The following PALM2AKAP2 variants were observed in gnomAD, a reference collection of about 807,000 sequenced individuals.
PALM2AKAP2 encodes PALM2 and AKAP2 fusion.
In PALM2AKAP2, 37 loss-of-function variants were observed where a neutral mutation model predicts 71.5. The observed-to-expected ratio is 0.52, with a 90% CI of 0.40 to 0.68. The LOEUF (loss-of-function observed/expected upper bound fraction) is 0.68. PALM2AKAP2 is among the 30% of genes least tolerant of loss of function. The pLI, the probability that PALM2AKAP2 is intolerant of heterozygous loss-of-function variation, is 0.00. For synonymous variants in PALM2AKAP2, 468 were observed against 478.8 expected (o/e 0.98, Z 0.29); for missense variants, 1,224 against 1,191.8 (o/e 1.03, Z -0.40).
At chr9:110,061,993 T>C (rs550484118) in intron 1 of PALM2AKAP2, among the ~76,000 whole-genome samples, 1 of 140,524 alleles carries the variant, frequency 7.1e-6, no homozygotes, top group East Asian at 1.9e-4. Context: ...TGCTGCCTTC[T>C]TAGTGCTTAA....
chr9:109,996,628 G>C (rs7869111), intron 6 of PALM2AKAP2, among the ~76,000 whole-genome samples: 3,718 of 152,240 alleles, frequency 0.024, 164 homozygotes, highest in African/African-American at 0.084. Context: ...TTGAGGGTAG[G>C]GTGTTGAAAC....
chr9:109,668,354 A>G (rs1251074775), intron 1 of PALM2AKAP2, among the ~76,000 whole-genome samples: 1 of 152,178 alleles, frequency 6.6e-6, no homozygotes, highest in East Asian at 1.9e-4. Flanking sequence ...GGAAAACTTA[A>G]TTTGCTGTTT....
intron 2 of PALM2AKAP2, among the ~76,000 whole-genome samples, chr9:110,144,584 A>G (rs1219237401): frequency 2.0e-5 from 3 of 152,240 alleles, no homozygotes; most frequent in Non-Finnish European, 4.4e-5. Flanking sequence ...TATAAAGTAT[A>G]TACTATTATT....
intron 1 of PALM2AKAP2, among the ~76,000 whole-genome samples, chr9:109,813,900 C>T (rs11792592): frequency 0.16 from 24,741 of 152,228 alleles, 2,653 homozygotes; most frequent in East Asian, 0.35. Context: ...CATAGTCAGC[C>T]GTGGTGACCA....
At chr9:110,080,613 CTA>C (rs1319063241) in intron 1 of PALM2AKAP2, among the ~76,000 whole-genome samples, 1 of 152,152 alleles carries the variant, frequency 6.6e-6, no homozygotes, top group African/African-American at 2.4e-5. Context: ...ATTCTTCTGT[CTA>C]TAAAAGCTGT....
chr9:109,712,249 A>G (rs1215329318), intron 1 of PALM2AKAP2, among the ~76,000 whole-genome samples: 1 of 152,212 alleles, frequency 6.6e-6, no homozygotes, highest in Non-Finnish European at 1.5e-5. Context: ...TTAAAGGATT[A>G]GCTAAAACAT....
chr9:109,814,040 C>G (rs1459279337), intron 1 of PALM2AKAP2, among the ~76,000 whole-genome samples: 1 of 152,206 alleles, frequency 6.6e-6, no homozygotes, highest in African/African-American at 2.4e-5. Context: ...ACCTTTGGCC[C>G]TTTGAATTTG....
At chr9:109,883,752 A>C in intron 3 of PALM2AKAP2, among the ~76,000 whole-genome samples, 1 of 152,204 alleles carries the variant, frequency 6.6e-6, no homozygotes, top group East Asian at 1.9e-4. Context: ...TGAGCACCCT[A>C]CGGTGTTACA....
intron 2 of PALM2AKAP2, among the ~76,000 whole-genome samples, chr9:110,142,918 G>C (rs561118631): frequency 1.3e-5 from 2 of 152,210 alleles, no homozygotes; most frequent in African/African-American, 4.8e-5. Context: ...ACAACCCCAA[G>C]CTGTCCTGCC....
At chr9:109,740,972 A>G (rs1006443742) in intron 1 of PALM2AKAP2, among the ~76,000 whole-genome samples, 2 of 152,208 alleles carry the variant, frequency 1.3e-5, no homozygotes, top group Non-Finnish European at 2.9e-5. Context: ...TTTTTTAAAA[A>G]ACTAGATTTT....
chr9:110,026,632 C>G (rs1435939481), intron 7 of PALM2AKAP2, among the ~76,000 whole-genome samples: 1 of 152,158 alleles, frequency 6.6e-6, no homozygotes, highest in Non-Finnish European at 1.5e-5. Context: ...AATACCAGCC[C>G]CCCATTCTCT....
intron 1 of PALM2AKAP2, among the ~76,000 whole-genome samples, chr9:109,809,362 T>G (rs1827669058): frequency 6.6e-6 from 1 of 152,184 alleles, no homozygotes; most frequent in South Asian, 2.1e-4. Context: ...ATGTGAGACA[T>G]GGAGATCAAG....
At chr9:109,874,670 A>AT (rs1829680570) in intron 2 of PALM2AKAP2, among the ~76,000 whole-genome samples, 1 of 152,190 alleles carries the variant, frequency 6.6e-6, no homozygotes, top group Non-Finnish European at 1.5e-5. Flanking sequence ...TGTCACTTTC[A>AT]TTTAGAAGCC....
chr9:110,108,099 CT>C, intron 1 of PALM2AKAP2, among the ~76,000 whole-genome samples: 1 of 147,870 alleles, frequency 6.8e-6, no homozygotes, highest in Non-Finnish European at 1.5e-5. Context: ...TGCTTTGTGC[CT>C]TTTGTTTTTC....
chr9:109,973,103 A>T (rs1000212844), intron 6 of PALM2AKAP2, among the ~76,000 whole-genome samples: 3 of 152,196 alleles, frequency 2.0e-5, no homozygotes, highest in African/African-American at 4.8e-5. Flanking sequence ...ATCAACTTTC[A>T]TTCAGTTAAA....
At chr9:109,742,015 G>T (rs1209964649) in intron 1 of PALM2AKAP2, among the ~76,000 whole-genome samples, 1 of 152,116 alleles carries the variant, frequency 6.6e-6, no homozygotes, top group Non-Finnish European at 1.5e-5. Context: ...ATACACATGT[G>T]CATGCACATT....
chr9:109,780,920 C>G (rs1829434861), intron 1 of PALM2AKAP2, among the ~76,000 whole-genome samples: 1 of 152,182 alleles, frequency 6.6e-6, no homozygotes, highest in African/African-American at 2.4e-5. Context: ...CTGCCATCCT[C>G]TCTGCGGAAG....
At chr9:110,096,290 G>T (rs1834833388) in intron 1 of PALM2AKAP2, among the ~76,000 whole-genome samples, 1 of 152,040 alleles carries the variant, frequency 6.6e-6, no homozygotes, top group African/African-American at 2.4e-5. Flanking sequence ...ATAAGACAGG[G>T]TCTTGCTCTG....
At chr9:110,022,737 C>A (rs952620616) in intron 7 of PALM2AKAP2, among the ~76,000 whole-genome samples, 31 of 151,800 alleles carry the variant, frequency 2.0e-4, no homozygotes, top group African/African-American at 7.3e-4. Context: ...TCTCCCCCCA[C>A]CCCACAACAG....
Sources: allele counts gnomAD v4.1 joint callset (sites outside exome capture counted in the v4.1 genomes callset), GRCh38; gene constraint gnomAD v4.1.1; transcripts MANE v1.5; gene names NCBI Gene and HGNC (gene_info 2026-07-23, HGNC 2026-07-21).